ADAMTS2: variants seen among roughly 807,000 people sequenced by gnomAD.
The protein encoded by ADAMTS2 is A disintegrin and metalloproteinase with thrombospondin motifs 2.
Under a neutral mutation model 123.0 loss-of-function variants are expected in ADAMTS2, and 50 were observed. The observed-to-expected ratio is 0.41, with a 90% CI of 0.32 to 0.51. The LOEUF is 0.51. ADAMTS2 is among the 20% of genes least tolerant of loss of function. The pLI, the probability that ADAMTS2 is intolerant of heterozygous loss-of-function variation, is 0.35. For synonymous variants in ADAMTS2, 678 were observed against 695.4 expected (o/e 0.98, Z 0.39); for missense variants, 1,494 against 1,705.2 (o/e 0.88, Z 2.18).
At chr5:179,329,230 A>G (rs542491946) in intron 2 of ADAMTS2, among the ~76,000 whole-genome samples, 172 of 151,838 alleles carry the variant, frequency 1.1e-3, no homozygotes, top group African/African-American at 2.5e-3. Flanking sequence ...TTGAGGCTGA[A>G]GCAGGAGAAT....
chr5:179,337,125 A>G (rs1038113736), intron 2 of ADAMTS2, among the ~76,000 whole-genome samples: 1 of 152,200 alleles, frequency 6.6e-6, no homozygotes, highest in African/African-American at 2.4e-5. Flanking sequence ...GATATTTAAT[A>G]TGAAACATAC....
chr5:179,195,112 G>T (rs1476872804), intron 4 of ADAMTS2, among the ~76,000 whole-genome samples: 1 of 152,208 alleles, frequency 6.6e-6, no homozygotes, highest in South Asian at 2.1e-4. Context: ...GAACCAAGGT[G>T]TAATCACGTG....
At chr5:179,292,706 C>T (rs1336837409) in intron 2 of ADAMTS2, among the ~76,000 whole-genome samples, 1 of 152,172 alleles carries the variant, frequency 6.6e-6, no homozygotes, top group African/African-American at 2.4e-5. Context: ...AGTCAGCTTG[C>T]CCAAGGTGAC....
At chr5:179,144,798 T>C (rs992058242) in intron 10 of ADAMTS2, among the ~76,000 whole-genome samples, 11 of 152,302 alleles carry the variant, frequency 7.2e-5, no homozygotes, top group Admixed American at 5.9e-4. Context: ...GAATAAAACA[T>C]AGGAGTAAAT....
At position 179,234,425 on chromosome 5, in the gene ADAMTS2, G is replaced by A. The variant is rs918022837; in HGVS notation, c.689-26710C>T. On this transcript the variant is annotated intron_variant, in intron 3 of 21. Transcript: ENST00000251582. The surrounding 1 kb of genome is among the most constrained non-coding windows in gnomAD (Gnocchi z 4.7). ...GCTCATCCACTAGGACTGGGCTTCC[G>A]TGTGCAGGGCTTCACCCTCGCTCTC... 1.3e-5 allele frequency among the ~76,000 whole-genome samples: 2 copies of A among 152,078 alleles called. No homozygotes were observed. The highest frequency in any genetic ancestry group is 1.5e-5 in the Non-Finnish European group (1 of 68,006).
At chr5:179,344,654 G>C (rs901664505) in intron 1 of ADAMTS2, among the ~76,000 whole-genome samples, 1 of 152,226 alleles carries the variant, frequency 6.6e-6, no homozygotes, top group African/African-American at 2.4e-5. Flanking sequence ...GCTTCCCCGA[G>C]CACGAGCGGC....
intron 2 of ADAMTS2, among the ~76,000 whole-genome samples, chr5:179,293,470 G>T (rs997915898): frequency 2.0e-5 from 3 of 152,260 alleles, no homozygotes; most frequent in African/African-American, 7.2e-5. Flanking sequence ...CTTCCCATGT[G>T]GACTGGAGTG....
intron 4 of ADAMTS2, among the ~76,000 whole-genome samples, chr5:179,207,303 G>T (rs1764720444): frequency 1.3e-5 from 2 of 152,152 alleles, no homozygotes; most frequent in Admixed American, 6.5e-5. Context: ...CATCACCCAC[G>T]ATGTGCAGAC....
At chr5:179,193,688 G>C (rs1406680861) in intron 4 of ADAMTS2, among the ~76,000 whole-genome samples, 4 of 152,208 alleles carry the variant, frequency 2.6e-5, no homozygotes, top group African/African-American at 9.7e-5. Context: ...ATTCAAAAGA[G>C]ATTTACTGAG....
At chr5:179,141,438 T>C (rs1049635673) in intron 10 of ADAMTS2, among the ~76,000 whole-genome samples, 4 of 152,184 alleles carry the variant, frequency 2.6e-5, no homozygotes, top group African/African-American at 9.7e-5. Context: ...ACAGAAACTT[T>C]GAATGGAAGT....
intron 2 of ADAMTS2, among the ~76,000 whole-genome samples, chr5:179,337,665 A>T (rs1361095289): frequency 2.0e-5 from 3 of 152,250 alleles, no homozygotes. Flanking sequence ...GAGGGCTGCC[A>T]TGCACACTTG....
At chr5:179,240,643 G>A (rs907804872) in intron 3 of ADAMTS2, among the ~76,000 whole-genome samples, 1 of 152,216 alleles carries the variant, frequency 6.6e-6, no homozygotes, top group East Asian at 1.9e-4. Context: ...CTTGACAGCT[G>A]TGGTCATGGT....
Position 179,307,455 on chromosome 5 carries a change from C to G in ADAMTS2, c.535-34391G>C, listed in dbSNP as rs1428163815. Among the ~76,000 whole-genome samples, 1 of 152,144 alleles carries G rather than the reference C, an allele frequency of 6.6e-6. No individual in the cohort carries two copies. Among genetic ancestry groups the G allele is most frequent in the Non-Finnish European group, 1.5e-5 (1 of 68,026 alleles). On this transcript the variant is annotated intron_variant, in intron 2 of 21. Transcript: ENST00000251582. This position sits in a 1 kb window ranked among gnomAD's most constrained non-coding sequence, Gnocchi z 5.6. ...GGGGCACCACCACGCAGGGGCTTCC[C>G]GGGTCATGCTGCACCATCCACTAAT...
rs1250303232 is a variant in ADAMTS2, at chr5:179,130,130, G to A, written c.2291-32C>T. 1.2e-6 allele frequency: 2 copies of A among 1,613,290 alleles called. No homozygotes were observed. Among genetic ancestry groups the A allele is most frequent in the African/African-American group, 1.3e-5 (1 of 74,938 alleles). ...ATGGCAAGACCAAGTCCCCCGTTGT[G>A]GTCACCCAAGAGCAGGACCCAGGCC... On this transcript the variant is annotated intron_variant, in intron 15 of 21. Transcript: ENST00000251582. This position sits in a 1 kb window ranked among gnomAD's most constrained non-coding sequence, Gnocchi z 4.3.
chr5:179,139,958 C>T lies in ADAMTS2; in HGVS notation c.1707G>A (p.Pro569=), dbSNP rs749970172. 2.1e-5 allele frequency: 34 copies of T among 1,613,816 alleles called. No homozygotes were observed. Among genetic ancestry groups the T allele is most frequent in the South Asian group, 6.6e-5 (6 of 91,080 alleles). ...CACAGGTACGTGAGCAGGAGCCAAACGGACTCCAAGCGCCCCAGCTGCCGT... is the reference window on the plus strand; with the variant it reads ...CACAGGTACGTGAGCAGGAGCCAAATGGACTCCAAGCGCCCCAGCTGCCGT... ...KRDGSWGAWS[P]FGSCSRTCGT... The change falls in exon 11 of 22, where the codon CCG becomes CCA. Residue 569 remains proline (P), a synonymous_variant. Transcript: ENST00000251582.
chr5:179,227,518 G>A (rs947113650), intron 3 of ADAMTS2, among the ~76,000 whole-genome samples: 5 of 152,162 alleles, frequency 3.3e-5, no homozygotes, highest in Non-Finnish European at 7.4e-5. Context: ...GTATCTGGTG[G>A]GCTGCAGGGC....
intron 2 of ADAMTS2, among the ~76,000 whole-genome samples, chr5:179,337,088 G>A (rs1757632473): frequency 6.6e-6 from 1 of 152,180 alleles, no homozygotes; most frequent in Non-Finnish European, 1.5e-5. Flanking sequence ...CATATTAATG[G>A]CAGCACCGCA....
At chr5:179,179,255 GTT>G (rs36081300) in intron 5 of ADAMTS2, among the ~76,000 whole-genome samples, 6 of 144,824 alleles carry the variant, frequency 4.1e-5, no homozygotes, top group African/African-American at 1.5e-4. Context: ...CCCCTAGTAG[GTT>G]TTTTTTTTTT....
At chr5:179,342,027 C>T (rs1581297327) in intron 2 of ADAMTS2, among the ~76,000 whole-genome samples, 1 of 152,232 alleles carries the variant, frequency 6.6e-6, no homozygotes, top group Non-Finnish European at 1.5e-5. Context: ...AAGTCCTGGC[C>T]AGAGTGTCCG....
Sources: gnomAD v4.1 joint callset for allele counts (sites outside exome capture counted in the v4.1 genomes callset) on GRCh38, gnomAD v4.1.1 for gene constraint, Gnocchi (gnomAD v3.1) non-coding constraint, MANE v1.5 for transcripts, NCBI Gene and HGNC (gene_info 2026-07-23, HGNC 2026-07-21) for gene names.